CLVS1: variants seen among roughly 807,000 people sequenced by gnomAD.
CLVS1 encodes the protein clavesin-1.
In CLVS1, 10 loss-of-function variants were observed where a neutral mutation model predicts 33.1. That is an observed-to-expected ratio of 0.30 (90% confidence interval 0.19 to 0.51). The LOEUF (loss-of-function observed/expected upper bound fraction) is 0.51, where lower values mean the gene tolerates loss of function less well. CLVS1 is among the 20% of genes least tolerant of loss of function. The probability of loss-of-function intolerance (pLI) is 0.97; values close to 1 mark genes in which losing one functional copy is unlikely to be tolerated. For missense variants in CLVS1, 343 were observed against 433.4 expected (o/e 0.79, Z 1.85); for synonymous variants, 163 against 166.1 (o/e 0.98, Z 0.14).
At chr8:61,474,834 T>C (rs1023919938) in intron 5 of CLVS1, among the ~76,000 whole-genome samples, 63 of 152,214 alleles carry the variant, frequency 4.1e-4, no homozygotes, top group African/African-American at 1.5e-3. Context: ...TTATTGTACA[T>C]ATGCACAACG....
intron 2 of CLVS1, among the ~76,000 whole-genome samples, chr8:61,140,822 T>C (rs896416708): frequency 4.6e-5 from 7 of 152,196 alleles, no homozygotes; most frequent in Non-Finnish European, 8.8e-5. Context: ...CGCCTCGATC[T>C]CCCAAAGTAC....
At chr8:61,359,230 C>T (rs866416426) in intron 2 of CLVS1, among the ~76,000 whole-genome samples, 4 of 152,066 alleles carry the variant, frequency 2.6e-5, no homozygotes, top group Non-Finnish European at 4.4e-5. Context: ...ATGTCCACCA[C>T]GTATGTTTAA....
chr8:61,123,160 T>G (rs1805907862), intron 1 of CLVS1, among the ~76,000 whole-genome samples: 1 of 142,700 alleles, frequency 7.0e-6, no homozygotes, highest in South Asian at 2.3e-4. Context: ...TCCCAGCTAC[T>G]CAGGAGGCTG....
At chr8:61,093,260 A>G (rs1278452967) in intron 1 of CLVS1, among the ~76,000 whole-genome samples, 1 of 152,178 alleles carries the variant, frequency 6.6e-6, no homozygotes, top group East Asian at 1.9e-4. Flanking sequence ...TGTGTCCCCT[A>G]TATACCTTGA....
At chr8:61,283,572 T>C (rs1229986528), upstream of CLVS1, among the ~76,000 whole-genome samples, 12 of 152,020 alleles carry the variant, frequency 7.9e-5, no homozygotes, top group Non-Finnish European at 1.8e-4. Context: ...TGAGTGAGAG[T>C]TCTCATGTAT....
At chr8:61,257,781 T>C (rs2129592027) in intron 2 of CLVS1, among the ~76,000 whole-genome samples, 1 of 152,274 alleles carries the variant, frequency 6.6e-6, no homozygotes, top group South Asian at 2.1e-4. Flanking sequence ...TTAACTTAAA[T>C]TTGGAGTTGA....
intron 2 of CLVS1, among the ~76,000 whole-genome samples, chr8:61,169,175 G>A (rs539706057): frequency 6.6e-6 from 1 of 152,240 alleles, no homozygotes; most frequent in South Asian, 2.1e-4. Flanking sequence ...AACTTCTAGG[G>A]AAGTTTCAGA....
chr8:61,371,580 G>C (rs1813440866), intron 2 of CLVS1, among the ~76,000 whole-genome samples: 1 of 152,064 alleles, frequency 6.6e-6, no homozygotes, highest in Non-Finnish European at 1.5e-5. Flanking sequence ...TCTTTACATG[G>C]TTATCTGATC....
chr8:61,129,526 G>C (rs1440545086), intron 1 of CLVS1, among the ~76,000 whole-genome samples: 2 of 152,214 alleles, frequency 1.3e-5, no homozygotes, highest in Non-Finnish European at 2.9e-5. Flanking sequence ...CTATAGTCTA[G>C]ATAGCTTATA....
At chr8:61,168,789 A>G (rs1453482372) in intron 2 of CLVS1, among the ~76,000 whole-genome samples, 1 of 152,210 alleles carries the variant, frequency 6.6e-6, no homozygotes, top group Non-Finnish European at 1.5e-5. Context: ...AGCCTTTATG[A>G]CATTTAGCCT....
At chr8:61,050,603 C>T in the CLVS1 span, among the ~76,000 whole-genome samples, 1 of 151,804 alleles carries the variant, frequency 6.6e-6, no homozygotes, top group African/African-American at 2.4e-5. Context: ...CAGGCAGTCT[C>T]CATGCATAGA....
At chr8:60,981,499 G>C in the CLVS1 span, among the ~76,000 whole-genome samples, 1 of 152,212 alleles carries the variant, frequency 6.6e-6, no homozygotes, top group African/African-American at 2.4e-5. Flanking sequence ...GAAACGTGGG[G>C]ATCACGTGTT....
chr8:61,244,301 A>G (rs1347600320), intron 2 of CLVS1, among the ~76,000 whole-genome samples: 3 of 152,176 alleles, frequency 2.0e-5, no homozygotes, highest in Non-Finnish European at 2.9e-5. Flanking sequence ...ATTAATAAAA[A>G]GGTTTTGTTA....
chr8:61,346,115 A>T (rs1032090172), intron 2 of CLVS1, among the ~76,000 whole-genome samples: 10 of 152,168 alleles, frequency 6.6e-5, no homozygotes, highest in African/African-American at 2.4e-4. Context: ...AAATAAATGA[A>T]CTTCCAATTT....
intron 1 of CLVS1, among the ~76,000 whole-genome samples, chr8:61,065,682 G>A (rs1254111194): frequency 6.6e-6 from 1 of 152,144 alleles, no homozygotes; most frequent in Admixed American, 6.5e-5. Context: ...TTTTGCAGCT[G>A]TAAGAAGCAA....
chr8:61,212,775 G>A (rs929511053), intron 2 of CLVS1, among the ~76,000 whole-genome samples: 10 of 152,148 alleles, frequency 6.6e-5, no homozygotes, highest in African/African-American at 2.2e-4. Flanking sequence ...CTCCTCAGCC[G>A]GGCTGCTGCC....
chr8:61,191,159 T>A (rs1463535135), intron 2 of CLVS1, among the ~76,000 whole-genome samples: 1 of 152,078 alleles, frequency 6.6e-6, no homozygotes, highest in Admixed American at 6.5e-5. Flanking sequence ...CAGCAATACA[T>A]CAAAAAGCTT....
At position 61,314,035 on chromosome 8, in the gene CLVS1, A is replaced by G. The variant is rs750157050; in HGVS notation, c.455+13753A>G. On this transcript the variant is annotated intron_variant, in intron 2 of 5. Coordinates refer to ENST00000325897, the MANE Select transcript of CLVS1 (RefSeq NM_173519.3). ...GCAGATGACTCATCGCTTTCTCTCA[A>G]CTCACAAATTTTATATTCTTTGTGT... Among the ~76,000 whole-genome samples, 4 of 152,158 alleles carry G rather than the reference A, an allele frequency of 2.6e-5. 1 individual carries two copies. Among genetic ancestry groups the G allele is most frequent in the Non-Finnish European group, 5.9e-5 (4 of 68,038 alleles).
the CLVS1 span, among the ~76,000 whole-genome samples, chr8:61,033,208 G>A: frequency 2.0e-5 from 3 of 151,920 alleles, no homozygotes; most frequent in Non-Finnish European, 4.4e-5. Flanking sequence ...GCACATCTGT[G>A]TCTCAAAACA....
Sources: allele counts gnomAD v4.1 joint callset (sites outside exome capture counted in the v4.1 genomes callset), GRCh38; gene constraint gnomAD v4.1.1; transcripts MANE v1.5; gene names NCBI Gene and HGNC (gene_info 2026-07-23, HGNC 2026-07-21).